CSMD1: variants seen among roughly 807,000 people sequenced by gnomAD.
CSMD1 encodes the protein CUB and Sushi multiple domains 1, also known as CUB and sushi domain-containing protein 1.
A neutral mutation model predicts 417.5 loss-of-function variants in CSMD1; 213 were observed. The ratio of observed to expected loss-of-function variants is 0.51; its 90% CI spans 0.46 to 0.57. The LOEUF (loss-of-function observed/expected upper bound fraction) is 0.57, where lower values mean the gene tolerates loss of function less well. Ranked by LOEUF, CSMD1 falls within the 20% of genes least tolerant of loss-of-function variation. The pLI, the probability that CSMD1 is intolerant of heterozygous loss-of-function variation, is 0.00. For synonymous variants in CSMD1, 2,862 were observed against 1,736.8 expected (o/e 1.65, Z -16.11); for missense variants, 6,923 against 4,529.7 (o/e 1.53, Z -15.17).
chr8:3,061,307 T>G (rs986256090), intron 49 of CSMD1, among the ~76,000 whole-genome samples: 1 of 152,172 alleles, frequency 6.6e-6, no homozygotes, highest in Non-Finnish European at 1.5e-5. Context: ...CATTTATTAT[T>G]TTGTCATGAG....
At chr8:4,056,254 G>T (rs925468369) in intron 3 of CSMD1, among the ~76,000 whole-genome samples, 2 of 151,360 alleles carry the variant, frequency 1.3e-5, no homozygotes, top group African/African-American at 4.8e-5. Flanking sequence ...GCTAATTTTT[G>T]TATTTTTTAG....
At chr8:4,589,253 T>G (rs970295802) in intron 2 of CSMD1, among the ~76,000 whole-genome samples, 2 of 152,160 alleles carry the variant, frequency 1.3e-5, no homozygotes, top group African/African-American at 4.8e-5. Context: ...AAATCTAATT[T>G]TTATTTCTAA....
At chr8:3,831,474 T>C (rs546618683) in intron 5 of CSMD1, among the ~76,000 whole-genome samples, 8 of 152,266 alleles carry the variant, frequency 5.3e-5, no homozygotes, top group South Asian at 2.1e-4. Flanking sequence ...AAACATGATA[T>C]TGAGGTACTG....
rs564146780 is a variant in CSMD1 at position 3,973,626 on chromosome 8, T to C, written c.818+24277A>G. On this transcript the variant is annotated intron_variant, in intron 5 of 69. Transcript: ENST00000635120. ...GAAACAATTTCATCATTGTGATGCT[T>C]CCTGATTGTCATCTGTTTACTCCCT... Among the ~76,000 whole-genome samples the C allele has an allele frequency of 5.3e-5, 8 of 152,292 alleles. No homozygotes were observed. The East Asian group carries it at 1.5e-3, about 29-fold the overall frequency.
At chr8:4,063,938 T>G (rs1009967838) in intron 3 of CSMD1, among the ~76,000 whole-genome samples, 1 of 152,120 alleles carries the variant, frequency 6.6e-6, no homozygotes, top group Non-Finnish European at 1.5e-5. Context: ...TCATCCAGAT[T>G]TCATTAAATC....
In CSMD1 at chr8:3,541,937, A is replaced by T. The variant is rs571857142; in HGVS notation, c.1344+33008T>A. On this transcript the variant is annotated intron_variant, in intron 10 of 69. Transcript: ENST00000635120. ...ATTAGCTGGGCGTGGTGGCTTGTAC[A>T]CCCAGGAGGTGGAGGTTGGAGTGAG... Among the ~76,000 whole-genome samples, 9 of 152,146 alleles carry T rather than the reference A, an allele frequency of 5.9e-5. No homozygotes were observed. In the South Asian group the frequency reaches 1.9e-3, roughly 32 times the overall value.
intron 2 of CSMD1, among the ~76,000 whole-genome samples, chr8:4,561,133 A>G (rs1282275815): frequency 6.6e-6 from 1 of 152,216 alleles, no homozygotes; most frequent in Non-Finnish European, 1.5e-5. Context: ...GTAATTTGAG[A>G]GGCCAAGGCA....
chr8:3,440,557 G>C (rs1342904905), intron 12 of CSMD1, among the ~76,000 whole-genome samples: 3 of 152,102 alleles, frequency 2.0e-5, no homozygotes, highest in Non-Finnish European at 2.9e-5. Context: ...TGAATTCTTT[G>C]GGAAATTCTA....
At chr8:3,169,453 A>C (rs548389852) in intron 37 of CSMD1, among the ~76,000 whole-genome samples, 1 of 152,178 alleles carries the variant, frequency 6.6e-6, no homozygotes, top group East Asian at 1.9e-4. Flanking sequence ...CCACTCATAT[A>C]AACTATCTCT....
chr8:3,535,409 C>T (rs1040387222), intron 10 of CSMD1, among the ~76,000 whole-genome samples: 1 of 152,132 alleles, frequency 6.6e-6, no homozygotes, highest in South Asian at 2.1e-4. Context: ...CACCTGCAGC[C>T]TGACCTCAAG....
At chr8:4,176,458 T>C (rs1013682570) in intron 3 of CSMD1, among the ~76,000 whole-genome samples, 1 of 152,138 alleles carries the variant, frequency 6.6e-6, no homozygotes, top group African/African-American at 2.4e-5. Flanking sequence ...TTTTGATTAT[T>C]TTCTCATCCT....
chr8:4,126,668 T>G lies in CSMD1; in HGVS notation c.416-94569A>C, dbSNP rs116295104. The stretch of plus-strand genomic sequence containing the variant: ...GTTTTCTTCTATCTCCTTATTAGAT[T>G]CTGAGGGTTTATTAATCATTGGTTG... On this transcript the variant is annotated intron_variant, in intron 3 of 69. Transcript: ENST00000635120. Among the ~76,000 whole-genome samples, 903 of 152,284 alleles carry G rather than the reference T, an allele frequency of 5.9e-3. 8 individuals carry two copies. The highest frequency in any genetic ancestry group is 0.021 in the African/African-American group (868 of 41,558).
In CSMD1 at chr8:3,806,200, G is replaced by C. The variant is rs576604115; in HGVS notation, c.819-52158C>G. On this transcript the variant is annotated intron_variant, in intron 5 of 69. Transcript: ENST00000635120. ...CTTGGGTCGTCCATTCAAACGCAGAGTGCTTTGGATTTTTCTTCCTCTCAG... is the reference window on the plus strand; with the variant it reads ...CTTGGGTCGTCCATTCAAACGCAGACTGCTTTGGATTTTTCTTCCTCTCAG... 3.5e-4 allele frequency among the ~76,000 whole-genome samples: 53 copies of C among 152,266 alleles called. 2 individuals carry two copies. The Middle Eastern group carries it at 0.014, about 39-fold the overall frequency.
chr8:4,638,968 G>A (rs539229053), intron 1 of CSMD1, among the ~76,000 whole-genome samples: 41 of 152,296 alleles, frequency 2.7e-4, no homozygotes, highest in African/African-American at 9.4e-4. Flanking sequence ...TGAGTAAATT[G>A]TAGGCCCCAG....
intron 1 of CSMD1, among the ~76,000 whole-genome samples, chr8:4,722,629 G>A (rs1040354830): frequency 6.6e-6 from 1 of 151,940 alleles, no homozygotes; most frequent in Non-Finnish European, 1.5e-5. Flanking sequence ...AAGTCCACAG[G>A]CAATGTAATA....
intron 1 of CSMD1, among the ~76,000 whole-genome samples, chr8:4,709,426 G>A (rs759739154): frequency 5.9e-5 from 9 of 152,148 alleles, no homozygotes; most frequent in Non-Finnish European, 8.8e-5. Context: ...ACTTGGGGCT[G>A]CCCTGGCCTC....
At chr8:4,115,731 A>G (rs1362101193) in intron 3 of CSMD1, among the ~76,000 whole-genome samples, 1 of 152,048 alleles carries the variant, frequency 6.6e-6, no homozygotes, top group Non-Finnish European at 1.5e-5. Flanking sequence ...CATCCTGACA[A>G]TGGACTGTCA....
intron 5 of CSMD1, among the ~76,000 whole-genome samples, chr8:3,862,747 T>A (rs1804802744): frequency 2.0e-5 from 3 of 152,172 alleles, no homozygotes; most frequent in Admixed American, 1.3e-4. Context: ...GAAATGATTA[T>A]GTTTGTTTTG....
chr8:4,392,702 G>A (rs1277671310), intron 3 of CSMD1, among the ~76,000 whole-genome samples: 3 of 151,732 alleles, frequency 2.0e-5, no homozygotes, highest in Admixed American at 1.3e-4. Flanking sequence ...GGGCACAGTG[G>A]CTGACACCTG....
Sources: allele counts gnomAD v4.1 joint callset (sites outside exome capture counted in the v4.1 genomes callset), GRCh38; gene constraint gnomAD v4.1.1; transcripts MANE v1.5; gene names NCBI Gene and HGNC (gene_info 2026-07-23, HGNC 2026-07-21).